Variants in NRXN3 observed in about 807,000 individuals in gnomAD.
NRXN3 encodes the protein neurexin 3.
In NRXN3, 32 loss-of-function variants were observed where a neutral mutation model predicts 137.6. The observed-to-expected ratio is 0.23, with a 90% CI of 0.18 to 0.31. NRXN3 has a LOEUF of 0.31. Among genes scored for constraint, NRXN3 ranks in the 10% least tolerant of loss-of-function variants. The probability of loss-of-function intolerance (pLI) is 1.00; values close to 1 mark genes in which losing one functional copy is unlikely to be tolerated. For missense variants in NRXN3, 1,574 were observed against 2,062.5 expected, an observed-to-expected ratio of 0.76 and a Z score of 4.59; for synonymous variants, 798 against 784.5, an observed-to-expected ratio of 1.02 and a Z score of -0.29.
At chr14:78,496,377 G>T (rs1180237826) in intron 4 of NRXN3, among the ~76,000 whole-genome samples, 1 of 152,120 alleles carries the variant, frequency 6.6e-6, no homozygotes, top group Non-Finnish European at 1.5e-5. Flanking sequence ...TTTGAGTTTG[G>T]ATGTAAAATA....
intron 16 of NRXN3, among the ~76,000 whole-genome samples, chr14:79,555,942 C>CA (rs2097425275): frequency 6.6e-6 from 1 of 152,150 alleles, no homozygotes; most frequent in South Asian, 2.1e-4. Context: ...CTGCTGCTGT[C>CA]ACTGGCTGTT....
chr14:78,783,317 C>A (rs1405746490), intron 8 of NRXN3, among the ~76,000 whole-genome samples: 1 of 152,066 alleles, frequency 6.6e-6, no homozygotes, highest in Non-Finnish European at 1.5e-5. Flanking sequence ...AAACACTGGA[C>A]AAAACCAAAA....
chr14:79,411,644 A>T (rs1282493497), intron 15 of NRXN3, among the ~76,000 whole-genome samples: 1 of 152,190 alleles, frequency 6.6e-6, no homozygotes, highest in South Asian at 2.1e-4. Flanking sequence ...TTTGCTCCAA[A>T]TGAGTCAAAT....
intron 15 of NRXN3, among the ~76,000 whole-genome samples, chr14:79,277,989 G>A (rs1436700644): frequency 1.3e-5 from 2 of 152,128 alleles, no homozygotes; most frequent in African/African-American, 2.4e-5. Context: ...CTGTAGGTTT[G>A]GTCTTTTTGT....
chr14:78,714,787 A>T lies in NRXN3; in HGVS notation c.1692A>T (p.Pro564=), dbSNP rs895788747. ...TATCAGTGAACAGCAGGCGCACGCC[A>T]TTCACCGCCAGTGGGGAGAGCGAGA... ...GTISVNSRRT[P]FTASGESEIL... The change falls in exon 8 of 21, where the codon CCA becomes CCT. Residue 564 remains proline (P), a synonymous_variant. Coordinates refer to ENST00000335750, the MANE Select transcript of NRXN3 (RefSeq NM_001330195.2). The T allele has an allele frequency of 1.9e-6, 3 of 1,613,956 alleles. No homozygotes were observed. Among genetic ancestry groups the T allele is most frequent in the Non-Finnish European group, 2.5e-6 (3 of 1,179,996 alleles).
At chr14:79,135,927 G>T (rs888573341) in intron 15 of NRXN3, among the ~76,000 whole-genome samples, 11 of 152,180 alleles carry the variant, frequency 7.2e-5, no homozygotes, top group African/African-American at 2.7e-4. Context: ...GCTATTTCTA[G>T]TGTACTATCC....
chr14:78,211,708 C>T (rs1434181049), intron 1 of NRXN3, among the ~76,000 whole-genome samples: 3 of 152,214 alleles, frequency 2.0e-5, no homozygotes, highest in Non-Finnish European at 2.9e-5. Flanking sequence ...TCTTTCTCTG[C>T]AGTAATTGCT....
At chr14:79,148,524 A>G (rs8015472) in intron 15 of NRXN3, among the ~76,000 whole-genome samples, 9,365 of 152,200 alleles carry the variant, frequency 0.062, 817 homozygotes, top group African/African-American at 0.2. Flanking sequence ...CAAGTAGCTC[A>G]AAGCAGAACC....
intron 15 of NRXN3, among the ~76,000 whole-genome samples, chr14:79,103,881 A>G (rs1275174498): frequency 6.6e-6 from 1 of 152,208 alleles, no homozygotes; most frequent in East Asian, 1.9e-4. Flanking sequence ...ACACAAATGC[A>G]TGTGTTCACA....
chr14:78,806,829 C>A (rs2098873822), intron 9 of NRXN3, among the ~76,000 whole-genome samples: 1 of 152,110 alleles, frequency 6.6e-6, no homozygotes, highest in South Asian at 2.1e-4. Flanking sequence ...ATTTAAAAGA[C>A]CTTATCTTAT....
At chr14:78,721,299 T>C (rs1231941716) in intron 8 of NRXN3, among the ~76,000 whole-genome samples, 1 of 152,210 alleles carries the variant, frequency 6.6e-6, no homozygotes, top group African/African-American at 2.4e-5. Flanking sequence ...GTTATGGCTG[T>C]GCCCTCATCC....
At chr14:78,286,207 G>A (rs985017567) in intron 3 of NRXN3, among the ~76,000 whole-genome samples, 2 of 152,208 alleles carry the variant, frequency 1.3e-5, no homozygotes, top group Admixed American at 6.5e-5. Flanking sequence ...CCAAATGGGC[G>A]GAGGTGTTTA....
chr14:78,996,679 G>A (rs977057231), intron 15 of NRXN3, among the ~76,000 whole-genome samples: 1 of 152,096 alleles, frequency 6.6e-6, no homozygotes, highest in Non-Finnish European at 1.5e-5. Flanking sequence ...CATTTTGCAG[G>A]TTTGGTACAT....
intron 15 of NRXN3, among the ~76,000 whole-genome samples, chr14:79,131,303 G>T (rs1483424227): frequency 6.6e-6 from 1 of 151,994 alleles, no homozygotes; most frequent in Non-Finnish European, 1.5e-5. Flanking sequence ...CCCCATCTTT[G>T]TGGTTTTATC....
rs553543867 is a variant in NRXN3 at position 78,473,099 on chromosome 14, T to G, written c.758-172021T>G. Among the ~76,000 whole-genome samples the G allele has an allele frequency of 6.6e-5, 10 of 152,064 alleles. No individual in the cohort carries two copies. The South Asian group carries it at 2.1e-3, about 32-fold the overall frequency. ...GATACAGTAGGACTGTTACCAAGGC[T>G]CTTTAAAAGAAAAACCTTTCTGGCC... On this transcript the variant is annotated intron_variant, in intron 4 of 20. Coordinates refer to ENST00000335750, the MANE Select transcript of NRXN3 (RefSeq NM_001330195.2).
intron 4 of NRXN3, among the ~76,000 whole-genome samples, chr14:78,445,436 G>A (rs566507164): frequency 1.3e-5 from 2 of 152,214 alleles, no homozygotes; most frequent in South Asian, 2.1e-4. Flanking sequence ...AAAGTGACGG[G>A]GAGGCAGAGA....
intron 16 of NRXN3, among the ~76,000 whole-genome samples, chr14:79,577,602 A>G (rs1044026445): frequency 2.6e-5 from 4 of 152,210 alleles, no homozygotes; most frequent in African/African-American, 9.6e-5. Flanking sequence ...ATACTTTTAC[A>G]GTGACTATGT....
intron 10 of NRXN3, among the ~76,000 whole-genome samples, chr14:78,948,930 A>C (rs962298537): frequency 1.3e-5 from 2 of 152,104 alleles, no homozygotes; most frequent in African/African-American, 4.8e-5. Context: ...TTTGAGTCCC[A>C]CAGCTGTATG....
intron 4 of NRXN3, among the ~76,000 whole-genome samples, chr14:78,566,701 T>C (rs2096839823): frequency 6.6e-6 from 1 of 152,154 alleles, no homozygotes; most frequent in Non-Finnish European, 1.5e-5. Flanking sequence ...ATCGAGTCCC[T>C]CTGAGATGGC....
Sources: allele counts gnomAD v4.1 joint callset (sites outside exome capture counted in the v4.1 genomes callset), GRCh38; gene constraint gnomAD v4.1.1; transcripts MANE v1.5; gene names NCBI Gene and HGNC (gene_info 2026-07-23, HGNC 2026-07-21).